ENTREP2: variants seen among roughly 807,000 people sequenced by gnomAD.
ENTREP2 encodes endosomal transmembrane epsin interactor 2, also known as protein ENTREP2.
At chr15:29,278,347 A>C in the ENTREP2 span, among the ~76,000 whole-genome samples, 1 of 152,212 alleles carries the variant, frequency 6.6e-6, no homozygotes. Flanking sequence ...ACTGTGTGGT[A>C]CTTGTGGGGT....
the ENTREP2 span, among the ~76,000 whole-genome samples, chr15:29,205,623 G>A: frequency 6.6e-6 from 1 of 152,104 alleles, no homozygotes. Flanking sequence ...TATATTATTT[G>A]GAGAAATATC....
the ENTREP2 span, among the ~76,000 whole-genome samples, chr15:29,335,833 C>T: frequency 1.8e-4 from 27 of 152,280 alleles, no homozygotes; most frequent in African/African-American, 6.5e-4. Flanking sequence ...TATCTTCCTC[C>T]TATCTCATGA....
chr15:29,603,688 G>A, the ENTREP2 span, among the ~76,000 whole-genome samples: 1 of 152,082 alleles, frequency 6.6e-6, no homozygotes, highest in East Asian at 1.9e-4. Flanking sequence ...ATCCAGGCCA[G>A]AGTGCAATGG....
At chr15:29,178,307 A>AAG in the ENTREP2 span, among the ~76,000 whole-genome samples, 5 of 151,692 alleles carry the variant, frequency 3.3e-5, no homozygotes, top group African/African-American at 1.2e-4. Flanking sequence ...AAAAAAAAAA[A>AAG]AAAGAAAGAA....
At chr15:29,354,339 G>A in the ENTREP2 span, among the ~76,000 whole-genome samples, 2 of 152,180 alleles carry the variant, frequency 1.3e-5, no homozygotes, top group Admixed American at 6.5e-5. Context: ...ATGGCAGATT[G>A]TGGGACTTCT....
At chr15:29,233,482 A>C in the ENTREP2 span, among the ~76,000 whole-genome samples, 4 of 152,194 alleles carry the variant, frequency 2.6e-5, no homozygotes, top group Non-Finnish European at 5.9e-5. Context: ...AGTTGGCATC[A>C]AGGGTCAAAG....
At chr15:29,124,096 T>A in the ENTREP2 span, among the ~76,000 whole-genome samples, 1 of 151,418 alleles carries the variant, frequency 6.6e-6, no homozygotes, top group Non-Finnish European at 1.5e-5. Context: ...GCCCCCCCCA[T>A]CATGCCAGGT....
At chr15:29,301,675 G>T in the ENTREP2 span, among the ~76,000 whole-genome samples, 2 of 152,162 alleles carry the variant, frequency 1.3e-5, no homozygotes, top group African/African-American at 4.8e-5. Flanking sequence ...TCTGTAATCT[G>T]AACGTTGTGG....
chr15:29,439,707 T>C, the ENTREP2 span, among the ~76,000 whole-genome samples: 1 of 152,180 alleles, frequency 6.6e-6, no homozygotes, highest in South Asian at 2.1e-4. Context: ...TTAATCACTA[T>C]GGCTTTAACT....
chr15:29,437,887 C>T, the ENTREP2 span, among the ~76,000 whole-genome samples: 2 of 152,236 alleles, frequency 1.3e-5, no homozygotes, highest in African/African-American at 4.8e-5. Context: ...CACAGTTTGG[C>T]TTCATCTTCA....
chr15:29,497,057 A>T, the ENTREP2 span, among the ~76,000 whole-genome samples: 57 of 152,304 alleles, frequency 3.7e-4, 2 homozygotes, highest in South Asian at 7.9e-3. Flanking sequence ...TTCCATCCTT[A>T]TCAATGCATT....
chr15:29,321,649 CAA>C, the ENTREP2 span, among the ~76,000 whole-genome samples: 9 of 64,328 alleles, frequency 1.4e-4, no homozygotes, highest in South Asian at 5.0e-4. Context: ...GACTCTGTCT[CAA>C]AAAAAAAAAA....
chr15:29,416,057 A>G, the ENTREP2 span, among the ~76,000 whole-genome samples: 1 of 152,188 alleles, frequency 6.6e-6, no homozygotes, highest in Non-Finnish European at 1.5e-5. Context: ...GTATCGTGAA[A>G]ATGGCCATAA....
At chr15:29,667,596 C>A in the ENTREP2 span, among the ~76,000 whole-genome samples, 7 of 149,396 alleles carry the variant, frequency 4.7e-5, no homozygotes, top group African/African-American at 1.7e-4. Flanking sequence ...AAGGTTCAAG[C>A]GATTCTCCTG....
chr15:29,669,144 G>A, the ENTREP2 span, among the ~76,000 whole-genome samples: 1 of 152,196 alleles, frequency 6.6e-6, no homozygotes, highest in African/African-American at 2.4e-5. Context: ...AGATGGAGAG[G>A]TTGCAGTAAG....
the ENTREP2 span, among the ~76,000 whole-genome samples, chr15:29,270,201 A>G: frequency 2.0e-5 from 3 of 152,180 alleles, no homozygotes; most frequent in Non-Finnish European, 4.4e-5. Context: ...AAAATGTAGA[A>G]GGACATAAAA....
the ENTREP2 span, among the ~76,000 whole-genome samples, chr15:29,341,642 C>T: frequency 1.3e-5 from 2 of 152,090 alleles, no homozygotes; most frequent in South Asian, 2.1e-4. Flanking sequence ...GGGGGAGTGG[C>T]GAGGAAGCAA....
the ENTREP2 span, among the ~76,000 whole-genome samples, chr15:29,146,497 A>G: frequency 6.6e-6 from 1 of 152,232 alleles, no homozygotes; most frequent in Admixed American, 6.5e-5. Context: ...ATAAACACGT[A>G]TATCTATGGT....
the ENTREP2 span, among the ~76,000 whole-genome samples, chr15:29,648,103 T>C: frequency 2.7e-5 from 4 of 147,986 alleles, no homozygotes; most frequent in Admixed American, 6.7e-5. Flanking sequence ...TCATCATCAT[T>C]TACCTTACGC....
Sources: allele counts gnomAD v4.1 joint callset (sites outside exome capture counted in the v4.1 genomes callset), GRCh38; gene constraint gnomAD v4.1.1; transcripts MANE v1.5; gene names NCBI Gene and HGNC (gene_info 2026-07-23, HGNC 2026-07-21).